The following GNL3L variants were observed in gnomAD, a reference collection of about 807,000 sequenced individuals.
GNL3L encodes the protein G protein nucleolar 3 like, also known as guanine nucleotide-binding protein-like 3-like protein.
A neutral mutation model predicts 42.9 loss-of-function variants in GNL3L; 4 were observed. The ratio of observed to expected loss-of-function variants is 0.09; its 90% CI spans 0.05 to 0.21. The LOEUF is 0.21. Ranked by LOEUF, GNL3L falls within the 10% of genes least tolerant of loss-of-function variation. The pLI is 1.00. For synonymous variants in GNL3L, 159 were observed against 176.3 expected, an observed-to-expected ratio of 0.90 and a Z score of 0.78; for missense variants, 412 against 481.7, an observed-to-expected ratio of 0.86 and a Z score of 1.36.
At chrX:54,539,868 C>T (rs756596473) in intron 3 of GNL3L, among the ~76,000 whole-genome samples, 2 of 111,804 alleles carry the variant, frequency 1.8e-5, no homozygotes, top group South Asian at 7.4e-4. Context: ...GGAGAGAGGA[C>T]CTCTACCCAG....
intron 16 of GNL3L, among the ~76,000 whole-genome samples, chrX:54,594,874 TAAAC>T (rs1190275887): frequency 2.7e-5 from 3 of 111,996 alleles, no homozygotes; most frequent in African/African-American, 9.7e-5. Context: ...TTTGCCTAAT[TAAAC>T]AAACAAGCAA....
intron 16 of GNL3L, among the ~76,000 whole-genome samples, chrX:54,608,004 A>T (rs919904581): frequency 2.7e-5 from 3 of 112,462 alleles, no homozygotes; most frequent in Admixed American, 9.4e-5. Flanking sequence ...AGCAAGTCAT[A>T]AAAGAAAACA....
At chrX:54,541,687 A>T (rs1924624058) in intron 5 of GNL3L, among the ~76,000 whole-genome samples, 1 of 109,218 alleles carries the variant, frequency 9.2e-6, no homozygotes, top group African/African-American at 3.3e-5. Flanking sequence ...TGACCAGGGG[A>T]TGGGGTTGGG....
intron 16 of GNL3L, among the ~76,000 whole-genome samples, chrX:54,583,945 A>G (rs998011612): frequency 1.8e-5 from 2 of 111,700 alleles, no homozygotes; most frequent in Non-Finnish European, 3.8e-5. Context: ...ACCCAGCCCA[A>G]ATTCAACATC....
At chrX:54,637,744 A>G in the GNL3L span, among the ~76,000 whole-genome samples, 1 of 112,349 alleles carries the variant, frequency 8.9e-6, no homozygotes, top group African/African-American at 3.2e-5. Flanking sequence ...ATATTAGGAA[A>G]TTATTCTTAA....
chrX:54,563,325 T>C lies in GNL3L; in HGVS notation c.*2723T>C, dbSNP rs1925326059. Among the ~76,000 whole-genome samples, 1 of 111,820 alleles carries C rather than the reference T, an allele frequency of 8.9e-6. No homozygotes were observed. The highest frequency in any genetic ancestry group is 1.9e-5 in the Non-Finnish European group (1 of 53,233). ...ATGGGGCTACTTCCTGGTAAACCCA[T>C]TGTAATGTGCAAATTACGGGTTTAT... On this transcript the variant is annotated 3_prime_UTR_variant, in exon 16 of 16. Coordinates refer to ENST00000360845, the MANE Select transcript of GNL3L (RefSeq NM_001184819.2).
intron 16 of GNL3L, among the ~76,000 whole-genome samples, chrX:54,607,080 TTCTTCTTTCTTTCTTTCTTTC>T (rs1322310449): frequency 2.5e-5 from 1 of 39,454 alleles, no homozygotes; most frequent in Non-Finnish European, 4.4e-5. Flanking sequence ...TTCTCTTTCT[TTCTTCTTTCTTTCTTTCTTTC>T]TTTCTTTCTT....
rs1569542566 is a variant in GNL3L at position 54,607,002 on chromosome X, T to TTCTTTCTTTC, written c.*46-13841_*46-13832dup. Among the ~76,000 whole-genome samples the TTCTTTCTTTC allele has an allele frequency of 3.4e-3, 70 of 20,452 alleles. 2 individuals carry two copies. Among genetic ancestry groups the TTCTTTCTTTC allele is most frequent in the Middle Eastern group, 0.017 (1 of 58 alleles). 17.8% of individuals were successfully genotyped at this position (20,452 alleles called of 115,157 possible). A position where few individuals can be genotyped will look rare whatever the true frequency, so the allele number is the denominator to read the frequency against. The stretch of plus-strand genomic sequence containing the variant: ...CTTTCTTTCCTTTCCTTTCCTTTCT[T>TTCTTTCTTTC]TCTTTCTTTCTTTCTTTCTTTCTTT... On this transcript the variant is annotated intron_variant, in intron 16 of 16. Coordinates refer to the GNL3L transcript ENST00000674498.
At chrX:54,631,007 A>G in the GNL3L span, among the ~76,000 whole-genome samples, 1 of 108,695 alleles carries the variant, frequency 9.2e-6, no homozygotes, top group Admixed American at 1.0e-4. Flanking sequence ...GGGTTTCACC[A>G]TGTTAGCCAG....
chrX:54,579,202 G>A (rs979366067), intron 16 of GNL3L, among the ~76,000 whole-genome samples: 1 of 111,144 alleles, frequency 9.0e-6, no homozygotes, highest in African/African-American at 3.3e-5. Context: ...CTTTCACAGA[G>A]CAAAGGTTTT....
chrX:54,536,832 C>T (rs1199794919), intron 2 of GNL3L, among the ~76,000 whole-genome samples: 12 of 92,498 alleles, frequency 1.3e-4, no homozygotes, highest in African/African-American at 4.9e-4. Flanking sequence ...GAGGGAGAGA[C>T]GAAAGAAAGG....
At chrX:54,539,855 A>G (rs1305879718) in intron 3 of GNL3L, among the ~76,000 whole-genome samples, 4 of 111,598 alleles carry the variant, frequency 3.6e-5, no homozygotes, top group Non-Finnish European at 5.7e-5. Context: ...CTGCCTAGCT[A>G]TAGGAGAGAG....
At chrX:54,569,669 C>G (rs987568804), downstream of GNL3L, among the ~76,000 whole-genome samples, 2 of 111,936 alleles carry the variant, frequency 1.8e-5, no homozygotes, top group Non-Finnish European at 3.8e-5. Flanking sequence ...GATCATCTGG[C>G]TAAAGATTTA....
chrX:54,645,607 A>G, the GNL3L span, among the ~76,000 whole-genome samples: 1 of 112,113 alleles, frequency 8.9e-6, no homozygotes, highest in African/African-American at 3.2e-5. Context: ...ATTTTACATC[A>G]ATATGTATAA....
downstream of GNL3L, among the ~76,000 whole-genome samples, chrX:54,570,481 C>T (rs1487330021): frequency 9.0e-6 from 1 of 111,589 alleles, no homozygotes; most frequent in Non-Finnish European, 1.9e-5. Flanking sequence ...TTGGTTCTTG[C>T]TTTTTTATCC....
At chrX:54,536,216 G>C (rs1169628983) in intron 2 of GNL3L, among the ~76,000 whole-genome samples, 1 of 108,483 alleles carries the variant, frequency 9.2e-6, no homozygotes, top group Non-Finnish European at 1.9e-5. Context: ...GTTTCACCAT[G>C]TTGGGCAGGC....
the GNL3L span, among the ~76,000 whole-genome samples, chrX:54,627,480 G>A: frequency 9.2e-6 from 1 of 108,261 alleles, no homozygotes; most frequent in Non-Finnish European, 1.9e-5. Flanking sequence ...TTGATGCTTT[G>A]TGGTTTTTCT....
chrX:54,552,357 A>G lies in GNL3L; in HGVS notation c.1247A>G (p.Glu416Gly), dbSNP rs753415425. Residue 416 changes from glutamate (E) to glycine (G), a missense_variant, in exon 13 of 16, where the codon GAG becomes GGG. Coordinates refer to ENST00000360845, the MANE Select transcript of GNL3L (RefSeq NM_001184819.2). ...THTLPTHLSA[E>G]IVKEMTEVFD... Reference sequence around the variant, plus strand: ...ACTCTGCCCACCCATCTCAGTGCTGAGATCGTTAAGGAAATGACCGAGGTC... The same window carrying G: ...ACTCTGCCCACCCATCTCAGTGCTGGGATCGTTAAGGAAATGACCGAGGTC... The G allele has an allele frequency of 8.3e-7, 1 of 1,206,077 alleles. No individual in the cohort carries two copies. Among genetic ancestry groups the G allele is most frequent in the Non-Finnish European group, 1.1e-6 (1 of 890,416 alleles).
At chrX:54,586,747 A>G (rs943300674) in intron 16 of GNL3L, among the ~76,000 whole-genome samples, 1 of 111,942 alleles carries the variant, frequency 8.9e-6, no homozygotes, top group Non-Finnish European at 1.9e-5. Context: ...CTATAGCACC[A>G]TTGAGGTGCC....
Sources: gnomAD v4.1 joint callset for allele counts (sites outside exome capture counted in the v4.1 genomes callset) on GRCh38, gnomAD v4.1.1 for gene constraint, MANE v1.5 for transcripts, NCBI Gene and HGNC (gene_info 2026-07-23, HGNC 2026-07-21) for gene names.